The following GPC5 variants were observed in gnomAD, a reference collection of about 807,000 sequenced individuals.
GPC5 encodes the protein glypican 5.
Under a neutral mutation model 53.9 loss-of-function variants are expected in GPC5, and 47 were observed. The observed-to-expected ratio is 0.87, with a 90% CI of 0.69 to 1.11. GPC5 has a LOEUF of 1.11. Among genes scored for constraint, GPC5 ranks in the 50% most tolerant of loss-of-function variants. The pLI is 0.00. For missense variants in GPC5, 748 were observed against 713.1 expected (o/e 1.05, Z -0.56); for synonymous variants, 286 against 263.3 (o/e 1.09, Z -0.84).
At chr13:92,213,648 A>G (rs2042390613) in intron 7 of GPC5, among the ~76,000 whole-genome samples, 1 of 152,216 alleles carries the variant, frequency 6.6e-6, no homozygotes, top group Non-Finnish European at 1.5e-5. Flanking sequence ...AATCTGTGAC[A>G]TTCCAAAATC....
rs191856657 is a variant in GPC5, at chr13:91,623,101, C to T, written c.326-70086C>T. On this transcript the variant is annotated intron_variant, in intron 2 of 7. Transcript: ENST00000377067. The stretch of plus-strand genomic sequence containing the variant: ...AAATATCTTTATATCTCTGTATCTG[C>T]CTGTCATCTATCTCCATCTATACCT... Among the ~76,000 whole-genome samples the T allele has an allele frequency of 3.6e-4, 55 of 152,122 alleles. No individual in the cohort carries two copies. The East Asian group carries it at 6.6e-3, about 18-fold the overall frequency.
chr13:91,744,312 G>A (rs2140083182), intron 4 of GPC5, among the ~76,000 whole-genome samples: 1 of 152,056 alleles, frequency 6.6e-6, no homozygotes, highest in South Asian at 2.1e-4. Flanking sequence ...AGGATACCTA[G>A]GTGACATGTA....
At chr13:91,977,367 A>G (rs1157014031) in intron 6 of GPC5, among the ~76,000 whole-genome samples, 1 of 152,192 alleles carries the variant, frequency 6.6e-6, no homozygotes, top group Non-Finnish European at 1.5e-5. Flanking sequence ...TAATGTGGGG[A>G]AAAGGAAGAA....
At chr13:91,790,503 T>G (rs1027870667) in intron 5 of GPC5, among the ~76,000 whole-genome samples, 15 of 152,236 alleles carry the variant, frequency 9.9e-5, no homozygotes, top group African/African-American at 3.4e-4. Flanking sequence ...AGATATGGCT[T>G]TGAACAAAAA....
At chr13:92,509,455 C>G (rs1880487635) in intron 7 of GPC5, 1 of 152,182 alleles carries the variant, frequency 6.6e-6, no homozygotes, top group Non-Finnish European at 1.5e-5. Context: ...CTTGATAGCA[C>G]ATCTCCTCTT....
chr13:91,901,489 T>C (rs1455187611), intron 5 of GPC5, among the ~76,000 whole-genome samples: 2 of 152,042 alleles, frequency 1.3e-5, no homozygotes, highest in Non-Finnish European at 2.9e-5. Flanking sequence ...ATTTCAAAGA[T>C]TAGGACTTTC....
intron 5 of GPC5, among the ~76,000 whole-genome samples, chr13:91,816,226 C>T (rs2038397804): frequency 6.6e-6 from 1 of 152,150 alleles, no homozygotes; most frequent in South Asian, 2.1e-4. Flanking sequence ...TCTTCGTGTG[C>T]AAGTATTGTG....
chr13:92,014,907 G>T (rs184013831), intron 6 of GPC5, among the ~76,000 whole-genome samples: 63 of 152,212 alleles, frequency 4.1e-4, no homozygotes, highest in African/African-American at 1.5e-3. Context: ...ATATGGGAGT[G>T]CCTTGATTCT....
At chr13:92,493,477 AGTG>A (rs904278171) in intron 7 of GPC5, among the ~76,000 whole-genome samples, 4 of 152,204 alleles carry the variant, frequency 2.6e-5, no homozygotes, top group Non-Finnish European at 5.9e-5. Flanking sequence ...TCATTGAAGT[AGTG>A]AGAACGATAA....
At chr13:91,737,225 C>T (rs1450222066) in intron 4 of GPC5, among the ~76,000 whole-genome samples, 1 of 151,412 alleles carries the variant, frequency 6.6e-6, no homozygotes, top group Non-Finnish European at 1.5e-5. Context: ...CTTAAAGTTT[C>T]AGTTTGATGA....
chr13:92,399,035 C>A (rs1875431743), intron 7 of GPC5, among the ~76,000 whole-genome samples: 1 of 152,204 alleles, frequency 6.6e-6, no homozygotes, highest in Non-Finnish European at 1.5e-5. Context: ...ATTAATCTTT[C>A]TAAACTAGAG....
intron 7 of GPC5, among the ~76,000 whole-genome samples, chr13:92,651,233 T>C (rs1196401143): frequency 9.2e-6 from 1 of 109,170 alleles, no homozygotes; most frequent in East Asian, 2.5e-4. Flanking sequence ...CAATACACCA[T>C]ATGAAAATTG....
chr13:92,000,922 C>T (rs904003125), intron 6 of GPC5, among the ~76,000 whole-genome samples: 3 of 152,182 alleles, frequency 2.0e-5, no homozygotes, highest in African/African-American at 7.2e-5. Context: ...ACTGAGAAAG[C>T]TGGGTGTGGA....
intron 7 of GPC5, among the ~76,000 whole-genome samples, chr13:92,771,683 C>T (rs1741751543): frequency 6.6e-6 from 1 of 152,064 alleles, no homozygotes; most frequent in Admixed American, 6.6e-5. Context: ...CACAAAGATA[C>T]CTCTAGACGA....
chr13:92,418,658 A>C (rs1158974851), intron 7 of GPC5, among the ~76,000 whole-genome samples: 1 of 152,176 alleles, frequency 6.6e-6, no homozygotes, highest in Non-Finnish European at 1.5e-5. Context: ...TTGATGGCAT[A>C]GTGTTAAAGT....
chr13:91,694,236 A>T (rs929308484), intron 3 of GPC5, among the ~76,000 whole-genome samples: 1 of 152,232 alleles, frequency 6.6e-6, no homozygotes, highest in African/African-American at 2.4e-5. Flanking sequence ...AACATACAAC[A>T]TTTGAAGTAT....
chr13:91,900,364 C>T (rs1158017549), intron 5 of GPC5, among the ~76,000 whole-genome samples: 2 of 151,996 alleles, frequency 1.3e-5, no homozygotes, highest in South Asian at 2.1e-4. Flanking sequence ...AGTGAGACAG[C>T]AAATCAGTAC....
intron 2 of GPC5, among the ~76,000 whole-genome samples, chr13:91,544,830 T>C (rs2030181655): frequency 6.6e-6 from 1 of 152,218 alleles, no homozygotes; most frequent in African/African-American, 2.4e-5. Flanking sequence ...TGGCTGTTTC[T>C]GGTTCTGGTA....
At chr13:92,336,611 C>T (rs1209221367) in intron 7 of GPC5, among the ~76,000 whole-genome samples, 4 of 152,104 alleles carry the variant, frequency 2.6e-5, no homozygotes, top group African/African-American at 9.7e-5. Flanking sequence ...GAAATAGTTA[C>T]ATATTACACA....
Sources: allele counts gnomAD v4.1 joint callset (sites outside exome capture counted in the v4.1 genomes callset), GRCh38; gene constraint gnomAD v4.1.1; transcripts MANE v1.5; gene names NCBI Gene and HGNC (gene_info 2026-07-23, HGNC 2026-07-21).